The following ATXN1 variants were observed in gnomAD, a reference collection of about 807,000 sequenced individuals.
The protein encoded by ATXN1 is ataxin 1.
ATXN1 carries 8 observed loss-of-function variants against 56.4 expected under a neutral mutation model. The observed-to-expected ratio is 0.14, with a 90% confidence interval of 0.08 to 0.26. The LOEUF (loss-of-function observed/expected upper bound fraction) is 0.26. Ranked by LOEUF, ATXN1 falls within the 10% of genes least tolerant of loss-of-function variation. ATXN1 has a pLI of 1.00. For missense variants in ATXN1, 987 were observed against 1,106.5 expected, an observed-to-expected ratio of 0.89 and a Z score of 1.53; for synonymous variants, 514 against 494.6, an observed-to-expected ratio of 1.04 and a Z score of -0.52.
In ATXN1 at chr6:16,326,373, T is replaced by C. The variant is rs199662251; in HGVS notation, c.1917+21A>G. Reference sequence around the variant, plus strand: ...ATCACGGTGTGGTGTCCCATCCCTGTGCCACCCTGGCTAACGTTACCTGGG... The same window carrying C: ...ATCACGGTGTGGTGTCCCATCCCTGCGCCACCCTGGCTAACGTTACCTGGG... On this transcript the variant is annotated intron_variant, in intron 7 of 7. Transcript: ENST00000436367. This position sits in a 1 kb window ranked among gnomAD's most constrained non-coding sequence, Gnocchi z 6.6. 2.4e-4 allele frequency: 379 copies of C among 1,610,696 alleles called. 1 individual carries two copies. The highest frequency in any genetic ancestry group is 5.8e-4 in the Admixed American group (35 of 59,986).
At chr6:16,430,370 C>T (rs1195625193) in intron 6 of ATXN1, among the ~76,000 whole-genome samples, 1 of 151,908 alleles carries the variant, frequency 6.6e-6, no homozygotes, top group Non-Finnish European at 1.5e-5. Flanking sequence ...AAAAAGAACA[C>T]CGTACTGCGA....
chr6:16,744,124 A>T (rs1760441020), intron 2 of ATXN1, among the ~76,000 whole-genome samples: 1 of 152,232 alleles, frequency 6.6e-6, no homozygotes, highest in African/African-American at 2.4e-5. Context: ...GGTATATCAT[A>T]TGCCAAACCA....
At chr6:16,661,543 G>A (rs1011712161) in intron 2 of ATXN1, among the ~76,000 whole-genome samples, 1 of 152,218 alleles carries the variant, frequency 6.6e-6, no homozygotes, top group Non-Finnish European at 1.5e-5. Flanking sequence ...GGCTTCCAGT[G>A]ATCCCACCTC....
intron 4 of ATXN1, among the ~76,000 whole-genome samples, chr6:16,540,513 T>C (rs937918881): frequency 2.0e-5 from 3 of 152,160 alleles, no homozygotes; most frequent in African/African-American, 7.2e-5. Context: ...CGCCCGGAAC[T>C]GATTCAGCTC....
intron 3 of ATXN1, among the ~76,000 whole-genome samples, chr6:16,619,761 T>C (rs1236569139): frequency 3.3e-5 from 5 of 151,860 alleles, no homozygotes; most frequent in Admixed American, 1.3e-4. Context: ...CATAGCTCTA[T>C]AGCCATGCGT....
chr6:16,641,168 ATCT>A (rs1352451006), intron 3 of ATXN1, among the ~76,000 whole-genome samples: 1 of 152,228 alleles, frequency 6.6e-6, no homozygotes, highest in Admixed American at 6.5e-5. Context: ...AAGGAAAGAA[ATCT>A]TCTCCAAATG....
intron 6 of ATXN1, among the ~76,000 whole-genome samples, chr6:16,451,755 CAAA>C (rs369181235): frequency 7.9e-6 from 1 of 126,202 alleles, no homozygotes. Context: ...AACTCCGTCT[CAAA>C]AAAAAAAAAA....
At chr6:16,567,043 C>T (rs372986052) in intron 4 of ATXN1, among the ~76,000 whole-genome samples, 52 of 152,306 alleles carry the variant, frequency 3.4e-4, no homozygotes, top group East Asian at 2.5e-3. Context: ...CTCTACAGTT[C>T]ATAAAGTGCT....
chr6:16,347,375 G>C (rs922735877), intron 6 of ATXN1, among the ~76,000 whole-genome samples: 1 of 152,230 alleles, frequency 6.6e-6, no homozygotes, highest in Non-Finnish European at 1.5e-5. Flanking sequence ...TCTATATCTA[G>C]CTCAAGGTTT....
At chr6:16,425,552 C>T (rs1192608960) in intron 6 of ATXN1, among the ~76,000 whole-genome samples, 3 of 152,210 alleles carry the variant, frequency 2.0e-5, no homozygotes, top group Non-Finnish European at 2.9e-5. Context: ...TTCAAAACAG[C>T]AGATTTCAGA....
intron 6 of ATXN1, among the ~76,000 whole-genome samples, chr6:16,423,466 C>A (rs1759077372): frequency 6.6e-6 from 1 of 152,110 alleles, no homozygotes; most frequent in Admixed American, 6.6e-5. Flanking sequence ...GGCTCGAAGA[C>A]TTGTAACATG....
At chr6:16,670,571 C>T (rs542190269) in intron 2 of ATXN1, among the ~76,000 whole-genome samples, 1 of 152,170 alleles carries the variant, frequency 6.6e-6, no homozygotes, top group Non-Finnish European at 1.5e-5. Flanking sequence ...GATTTCCTTC[C>T]GTTTTTACTT....
chr6:16,556,694 C>T lies in ATXN1; in HGVS notation c.-361+29086G>A, dbSNP rs114419697. On this transcript the variant is annotated intron_variant, in intron 4 of 7. Coordinates refer to ENST00000436367, the MANE Select transcript of ATXN1 (RefSeq NM_001128164.2). ...TAATGGGGGAACATGAGAAGCATCCCATTAAAAATAGGAACAACATGAGGA... is the reference window on the plus strand; with the variant it reads ...TAATGGGGGAACATGAGAAGCATCCTATTAAAAATAGGAACAACATGAGGA... Among the ~76,000 whole-genome samples the T allele has an allele frequency of 1.0e-3, 155 of 152,270 alleles. 1 individual carries two copies. The highest frequency in any genetic ancestry group is 3.6e-3 in the African/African-American group (149 of 41,542).
chr6:16,525,732 G>A (rs185692575), intron 4 of ATXN1, among the ~76,000 whole-genome samples: 3 of 151,878 alleles, frequency 2.0e-5, no homozygotes, highest in East Asian at 3.9e-4. Flanking sequence ...TTCATGATGT[G>A]TTTATTTTAC....
chr6:16,423,460 C>T (rs1402158654), intron 6 of ATXN1, among the ~76,000 whole-genome samples: 3 of 152,064 alleles, frequency 2.0e-5, no homozygotes, highest in Admixed American at 6.6e-5. Context: ...ACCATGGGCT[C>T]GAAGACTTGT....
chr6:16,341,870 C>G (rs937474324), intron 6 of ATXN1, among the ~76,000 whole-genome samples: 2 of 138,758 alleles, frequency 1.4e-5, no homozygotes, highest in Admixed American at 1.6e-4. Context: ...GGCAGTATGT[C>G]TCAGTGATTT....
At chr6:16,725,261 T>G (rs776548462) in intron 2 of ATXN1, among the ~76,000 whole-genome samples, 15 of 152,344 alleles carry the variant, frequency 9.8e-5, no homozygotes, top group East Asian at 1.9e-4. Flanking sequence ...CTGTGTTTAT[T>G]TAGGTTTCGA....
chr6:16,604,889 C>G (rs564262939), intron 3 of ATXN1, among the ~76,000 whole-genome samples: 8 of 152,236 alleles, frequency 5.3e-5, no homozygotes, highest in Non-Finnish European at 1.0e-4. Flanking sequence ...CCCAGCTGAC[C>G]ACCTGGATTT....
At chr6:16,718,443 A>C (rs1407011037) in intron 2 of ATXN1, among the ~76,000 whole-genome samples, 2 of 152,204 alleles carry the variant, frequency 1.3e-5, no homozygotes, top group Non-Finnish European at 2.9e-5. Context: ...ACTGTGACAT[A>C]ATTCATTTTT....
Sources: gnomAD v4.1 joint callset for allele counts (sites outside exome capture counted in the v4.1 genomes callset) on GRCh38, gnomAD v4.1.1 for gene constraint, Gnocchi (gnomAD v3.1) non-coding constraint, MANE v1.5 for transcripts, NCBI Gene and HGNC (gene_info 2026-07-23, HGNC 2026-07-21) for gene names.